CNTNAP2: variants seen among roughly 807,000 people sequenced by gnomAD.
The protein encoded by CNTNAP2 is contactin-associated protein-like 2.
A neutral mutation model predicts 155.2 loss-of-function variants in CNTNAP2; 98 were observed. That is an observed-to-expected ratio of 0.63 (90% CI 0.54 to 0.75). CNTNAP2 has a LOEUF of 0.75. Ranked by LOEUF, CNTNAP2 falls within the 30% of genes least tolerant of loss-of-function variation. The pLI is 0.00. For missense variants in CNTNAP2, 1,727 were observed against 1,688.1 expected (o/e 1.02, Z -0.40); for synonymous variants, 651 against 631.2 (o/e 1.03, Z -0.47).
intron 4 of CNTNAP2, among the ~76,000 whole-genome samples, chr7:147,107,257 A>T (rs975748406): frequency 6.6e-6 from 1 of 152,208 alleles, no homozygotes; most frequent in Non-Finnish European, 1.5e-5. Context: ...AGTGCCTAAT[A>T]AATAATATCA....
intron 13 of CNTNAP2, among the ~76,000 whole-genome samples, chr7:147,706,282 G>C (rs1048178480): frequency 6.6e-6 from 1 of 151,208 alleles, no homozygotes; most frequent in Non-Finnish European, 1.5e-5. Flanking sequence ...TCACTTCCAG[G>C]TGTAGGACTC....
intron 9 of CNTNAP2, among the ~76,000 whole-genome samples, chr7:147,300,647 A>G (rs7800707): frequency 0.04 from 6,045 of 152,242 alleles, 412 homozygotes; most frequent in African/African-American, 0.14. Context: ...TCAAACAAAC[A>G]TTTATTATCT....
chr7:148,130,625 A>C (rs1804811755), intron 16 of CNTNAP2, among the ~76,000 whole-genome samples: 1 of 152,036 alleles, frequency 6.6e-6, no homozygotes, highest in Non-Finnish European at 1.5e-5. Context: ...CTTAATTTTC[A>C]AGTTTTTTTC....
intron 1 of CNTNAP2, among the ~76,000 whole-genome samples, chr7:146,264,754 A>T (rs1375633896): frequency 2.0e-5 from 3 of 152,208 alleles, no homozygotes; most frequent in Non-Finnish European, 4.4e-5. Context: ...TCAGTTACTA[A>T]CAACACATTT....
chr7:148,161,198 G>A lies in CNTNAP2; in HGVS notation c.2774-11044G>A, dbSNP rs77647939. Among the ~76,000 whole-genome samples the A allele has an allele frequency of 9.8e-4, 149 of 152,194 alleles. 2 individuals are homozygous for A. The highest frequency in any genetic ancestry group is 1.7e-3 in the South Asian group (8 of 4,812). The stretch of plus-strand genomic sequence containing the variant: ...GTGGGATTCTGCTAATTTTGCTGCC[G>A]CTTCATGTCGGCACCATAACGCAGG... On this transcript the variant is annotated intron_variant, in intron 17 of 23. Coordinates refer to ENST00000361727, the MANE Select transcript of CNTNAP2 (RefSeq NM_014141.6).
chr7:148,318,206 G>A (rs977611644), intron 21 of CNTNAP2, among the ~76,000 whole-genome samples: 2 of 152,158 alleles, frequency 1.3e-5, no homozygotes, highest in Non-Finnish European at 2.9e-5. Flanking sequence ...ATCAGTTACT[G>A]TGAAAGATAC....
In CNTNAP2 at chr7:147,235,306, A is replaced by G. The variant is rs186512298; in HGVS notation, c.1349-64835A>G. Among the ~76,000 whole-genome samples, 408 of 151,424 alleles carry G rather than the reference A, an allele frequency of 2.7e-3. 1 individual carries two copies. Among genetic ancestry groups the G allele is most frequent in the African/African-American group, 9.3e-3 (382 of 41,178 alleles). ...CGAGGTTCTGTGATTACCTGAGACA[A>G]TTCCTTACAATGAACCTTTTTATAG... On this transcript the variant is annotated intron_variant, in intron 8 of 23. Transcript: ENST00000361727.
intron 15 of CNTNAP2, among the ~76,000 whole-genome samples, chr7:148,030,859 A>T (rs542073569): frequency 6.6e-6 from 1 of 152,178 alleles, no homozygotes; most frequent in African/African-American, 2.4e-5. Flanking sequence ...GAGCAGTTTC[A>T]TCTGAGTCAG....
At chr7:146,320,235 T>C (rs981170224) in intron 1 of CNTNAP2, among the ~76,000 whole-genome samples, 2 of 152,264 alleles carry the variant, frequency 1.3e-5, no homozygotes, top group South Asian at 2.1e-4. Context: ...TTTCTAGCTA[T>C]AACCTGAACT....
intron 1 of CNTNAP2, among the ~76,000 whole-genome samples, chr7:146,397,871 C>A (rs114118966): frequency 7.9e-6 from 1 of 126,918 alleles, no homozygotes; most frequent in Non-Finnish European, 1.6e-5. Flanking sequence ...ATTTGACAGG[C>A]TTTTATTTAT....
chr7:147,226,961 A>T (rs1803560701), intron 8 of CNTNAP2, among the ~76,000 whole-genome samples: 1 of 152,234 alleles, frequency 6.6e-6, no homozygotes. Flanking sequence ...TTTGGTGGAA[A>T]GATACAGACA....
At chr7:147,162,799 G>A (rs1367599473) in intron 8 of CNTNAP2, among the ~76,000 whole-genome samples, 1 of 152,110 alleles carries the variant, frequency 6.6e-6, no homozygotes, top group Non-Finnish European at 1.5e-5. Flanking sequence ...GAAAAGAAGA[G>A]CCACCCACTC....
chr7:147,651,975 A>T (rs1371507329), intron 13 of CNTNAP2, among the ~76,000 whole-genome samples: 1 of 152,206 alleles, frequency 6.6e-6, no homozygotes, highest in African/African-American at 2.4e-5. Context: ...CAGTTGAATC[A>T]AGTTCCACTA....
intron 9 of CNTNAP2, among the ~76,000 whole-genome samples, chr7:147,309,580 G>T (rs1795086497): frequency 6.6e-6 from 1 of 151,696 alleles, no homozygotes; most frequent in Non-Finnish European, 1.5e-5. Context: ...AGAGGAGTTT[G>T]TCCTCCCCTA....
At chr7:147,998,528 G>A (rs928431156) in intron 15 of CNTNAP2, among the ~76,000 whole-genome samples, 3 of 152,218 alleles carry the variant, frequency 2.0e-5, no homozygotes, top group African/African-American at 7.2e-5. Context: ...ATAAGTTAGA[G>A]AGGTGAGAAG....
chr7:147,038,894 C>A (rs1799209126), intron 3 of CNTNAP2, among the ~76,000 whole-genome samples: 1 of 152,108 alleles, frequency 6.6e-6, no homozygotes, highest in Non-Finnish European at 1.5e-5. Context: ...TCCCTTCCAG[C>A]ACACATAAAT....
intron 13 of CNTNAP2, 72 bp downstream of exon 13, chr7:147,639,378 C>A: frequency 7.1e-7 from 1 of 1,412,376 alleles, no homozygotes; most frequent in Non-Finnish European, 9.9e-7. Context: ...AAGAATCCAA[C>A]AGGTGTGGTT....
chr7:148,321,997 A>G (rs1480538306), intron 21 of CNTNAP2, among the ~76,000 whole-genome samples: 8 of 151,132 alleles, frequency 5.3e-5, no homozygotes, highest in African/African-American at 1.9e-4. Context: ...TCCACCTCCC[A>G]GGTTCAAGAG....
intron 1 of CNTNAP2, among the ~76,000 whole-genome samples, chr7:146,684,031 C>G (rs1800551924): frequency 1.3e-5 from 2 of 152,184 alleles, no homozygotes; most frequent in South Asian, 4.1e-4. Context: ...CTTTGACAAG[C>G]CCGTCTCTTG....
Sources: gnomAD v4.1 joint callset for allele counts (sites outside exome capture counted in the v4.1 genomes callset) on GRCh38, gnomAD v4.1.1 for gene constraint, MANE v1.5 for transcripts, NCBI Gene and HGNC (gene_info 2026-07-23, HGNC 2026-07-21) for gene names.